CDC73: variants seen among roughly 807,000 people sequenced by gnomAD.
CDC73 encodes the protein parafibromin.
CDC73 carries 21 observed loss-of-function variants against 83.7 expected under a neutral mutation model. The observed-to-expected ratio is 0.25, with a 90% confidence interval of 0.18 to 0.36. CDC73 has a LOEUF of 0.36. Among genes scored for constraint, CDC73 ranks in the 10% least tolerant of loss-of-function variants. The pLI, the probability that CDC73 is intolerant of heterozygous loss-of-function variation, is 1.00. For missense variants in CDC73, 342 were observed against 653.3 expected, an observed-to-expected ratio of 0.52 and a Z score of 5.19; for synonymous variants, 224 against 212.9, an observed-to-expected ratio of 1.05 and a Z score of -0.45.
At chr1:193,162,337 A>ATATTATC (rs1676351876) in intron 10 of CDC73, among the ~76,000 whole-genome samples, 1 of 130,098 alleles carries the variant, frequency 7.7e-6, no homozygotes, top group Non-Finnish European at 1.6e-5. Context: ...TATATACTAT[A>ATATTATC]TATTATATAT....
Position 193,251,768 on chromosome 1 carries a change from A to T in CDC73, c.*1056A>T. The T allele has an allele frequency of 4.3e-6, 1 of 231,700 alleles. No individual in the cohort carries two copies. The highest frequency in any genetic ancestry group is 2.2e-5 in the African/African-American group (1 of 45,302). 14.4% of individuals were successfully genotyped at this position (231,700 alleles called of 1,614,324 possible). A position where few individuals can be genotyped will look rare whatever the true frequency, so the allele number is the denominator to read the frequency against. The stretch of plus-strand genomic sequence containing the variant: ...TTTTAACTTAGTGAAATATTTTACT[A>T]TTTCTCTACTTCAGACAAAATGTTG... On this transcript the variant is annotated 3_prime_UTR_variant, in exon 17 of 17. Coordinates refer to ENST00000367435, the MANE Select transcript of CDC73 (RefSeq NM_024529.5).
intron 10 of CDC73, among the ~76,000 whole-genome samples, chr1:193,188,750 G>A (rs775165495): frequency 6.6e-5 from 10 of 152,108 alleles, no homozygotes; most frequent in African/African-American, 9.6e-5. Context: ...TATGGGTAAC[G>A]TATTCATTAG....
At chr1:193,236,596 A>G (rs769547487) in intron 15 of CDC73, among the ~76,000 whole-genome samples, 1 of 152,142 alleles carries the variant, frequency 6.6e-6, no homozygotes, top group Non-Finnish European at 1.5e-5. Flanking sequence ...TTATTTTTAG[A>G]TCACTTAAAA....
intron 7 of CDC73, among the ~76,000 whole-genome samples, chr1:193,146,944 A>AT (rs549666225): frequency 0.012 from 1,852 of 151,462 alleles, 19 homozygotes; most frequent in South Asian, 0.034. Flanking sequence ...GTAGTTGATT[A>AT]TTTTTTTTTC....
At chr1:193,196,350 G>C (rs1677003439) in intron 10 of CDC73, among the ~76,000 whole-genome samples, 1 of 152,122 alleles carries the variant, frequency 6.6e-6, no homozygotes, top group Non-Finnish European at 1.5e-5. Context: ...CTGTATGTCT[G>C]TCTTTATGCC....
chr1:193,204,920 T>C (rs1450578623), intron 11 of CDC73, among the ~76,000 whole-genome samples: 4 of 152,206 alleles, frequency 2.6e-5, no homozygotes, highest in African/African-American at 9.6e-5. Flanking sequence ...TAGAATCATA[T>C]TCAGCTTTGA....
chr1:193,198,162 A>G (rs530935937), intron 10 of CDC73, among the ~76,000 whole-genome samples: 33 of 152,320 alleles, frequency 2.2e-4, no homozygotes, highest in East Asian at 1.5e-3. Context: ...GAGGAGTAGT[A>G]GTTTCTGATG....
chr1:193,246,940 A>G (rs1387319848), intron 15 of CDC73, among the ~76,000 whole-genome samples: 1 of 152,126 alleles, frequency 6.6e-6, no homozygotes, highest in Non-Finnish European at 1.5e-5. Flanking sequence ...TTTCAGCATG[A>G]TCAGCTTATT....
intron 10 of CDC73, among the ~76,000 whole-genome samples, chr1:193,163,368 G>A (rs1030571103): frequency 3.9e-5 from 6 of 151,922 alleles, no homozygotes; most frequent in Admixed American, 1.3e-4. Flanking sequence ...TTAGCCGAGC[G>A]TAGTGGTATG....
chr1:193,227,374 G>GTA (rs1378750392), intron 13 of CDC73, among the ~76,000 whole-genome samples: 1 of 151,930 alleles, frequency 6.6e-6, no homozygotes, highest in Non-Finnish European at 1.5e-5. Context: ...CCTCATGTCT[G>GTA]TAATCTCAGC....
chr1:193,164,062 T>C (rs1353614004), intron 10 of CDC73, among the ~76,000 whole-genome samples: 1 of 152,214 alleles, frequency 6.6e-6, no homozygotes, highest in Non-Finnish European at 1.5e-5. Context: ...TGAGCCACCA[T>C]GCCCAGCCCA....
intron 9 of CDC73, among the ~76,000 whole-genome samples, chr1:193,151,188 A>G (rs757069001): frequency 2.4e-4 from 37 of 152,238 alleles, no homozygotes; most frequent in Non-Finnish European, 3.8e-4. Context: ...GGTAGAAGCA[A>G]CTGGAAGTTA....
chr1:193,161,472 T>G (rs1246756474), intron 10 of CDC73, among the ~76,000 whole-genome samples: 1 of 147,914 alleles, frequency 6.8e-6, no homozygotes, highest in East Asian at 1.9e-4. Flanking sequence ...AAAAAGCTTT[T>G]ATTTTTACAT....
chr1:193,159,542 T>G (rs143935473), intron 10 of CDC73, among the ~76,000 whole-genome samples: 3 of 152,028 alleles, frequency 2.0e-5, no homozygotes, highest in African/African-American at 7.2e-5. Flanking sequence ...GGCTAATTTT[T>G]TGTATTTTTA....
At chr1:193,229,538 C>A (rs546110626) in intron 13 of CDC73, among the ~76,000 whole-genome samples, 2 of 152,286 alleles carry the variant, frequency 1.3e-5, no homozygotes, top group African/African-American at 4.8e-5. Context: ...TCACTAGACA[C>A]CAGACTTGCC....
intron 7 of CDC73, among the ~76,000 whole-genome samples, chr1:193,146,344 G>T (rs1468269714): frequency 6.6e-6 from 1 of 152,148 alleles, no homozygotes; most frequent in African/African-American, 2.4e-5. Context: ...TGTCTGTTTT[G>T]TGCTGCTGTG....
rs780780877 is a variant in CDC73, at chr1:193,122,340, G to A, written c.131+9G>A. On this transcript the variant is annotated intron_variant, in intron 1 of 16. Coordinates refer to ENST00000367435, the MANE Select transcript of CDC73 (RefSeq NM_024529.5). The stretch of plus-strand genomic sequence containing the variant: ...AACTATGTTGTTTGGGGGTAAGTCC[G>A]GCATGGCTGTGGCCCAGGGGTGGCA... 2 of 1,614,012 alleles carry A rather than the reference G, an allele frequency of 1.2e-6. No individual in the cohort carries two copies. Among genetic ancestry groups the A allele is most frequent in the East Asian group, 2.2e-5 (1 of 44,866 alleles).
chr1:193,194,212 A>G (rs1676964587), intron 10 of CDC73, among the ~76,000 whole-genome samples: 1 of 152,210 alleles, frequency 6.6e-6, no homozygotes, highest in Non-Finnish European at 1.5e-5. Context: ...CATTGTTTCT[A>G]GTGAAAAGGT....
intron 8 of CDC73, among the ~76,000 whole-genome samples, chr1:193,148,993 A>G (rs935085907): frequency 1.3e-5 from 2 of 152,150 alleles, no homozygotes; most frequent in Non-Finnish European, 2.9e-5. Flanking sequence ...AGCCTTTGCA[A>G]CTACTTTGTA....
Sources: gnomAD v4.1 joint callset for allele counts (sites outside exome capture counted in the v4.1 genomes callset) on GRCh38, gnomAD v4.1.1 for gene constraint, MANE v1.5 for transcripts, NCBI Gene and HGNC (gene_info 2026-07-23, HGNC 2026-07-21) for gene names.